Variants in DHRS12 observed in about 807,000 individuals in gnomAD.
The protein encoded by DHRS12 is dehydrogenase/reductase SDR family member 12.
DHRS12 carries 29 observed loss-of-function variants against 32.1 expected under a neutral mutation model. The ratio of observed to expected loss-of-function variants is 0.90; its 90% CI spans 0.67 to 1.23. The LOEUF (loss-of-function observed/expected upper bound fraction) is 1.23, where lower values mean the gene tolerates loss of function less well. DHRS12 is among the 50% of genes most tolerant of loss of function. The probability of loss-of-function intolerance (pLI) is 0.00; values close to 1 mark genes in which losing one functional copy is unlikely to be tolerated. For synonymous variants in DHRS12, 150 were observed against 135.9 expected, an observed-to-expected ratio of 1.10 and a Z score of -0.72; for missense variants, 330 against 337.2, an observed-to-expected ratio of 0.98 and a Z score of 0.17.
chr13:51,756,196 T>C, the DHRS12 span: 21 of 1,287,962 alleles, frequency 1.6e-5, no homozygotes. Context: ...GTGTTCCCTT[T>C]AGTTCTGGGG....
the DHRS12 span, chr13:51,760,396 T>C: frequency 6.6e-6 from 1 of 152,178 alleles, no homozygotes; most frequent in Admixed American, 6.5e-5. Context: ...TCATTCACGT[T>C]CTTATGAAGT....
chr13:51,764,240 C>G (rs1953677418), downstream of DHRS12: 1 of 152,188 alleles, frequency 6.6e-6, no homozygotes, highest in South Asian at 2.1e-4. Context: ...GAGGCCCATT[C>G]TCAGGCTGGG....
At chr13:51,765,044 G>A (rs1001470320), downstream of DHRS12, 3 of 152,240 alleles carry the variant, frequency 2.0e-5, no homozygotes, top group Admixed American at 2.0e-4. Flanking sequence ...AATGTGGGAG[G>A]TCCTCCTTAC....
At chr13:51,787,139 C>T (rs532298810) in intron 4 of DHRS12, among the ~76,000 whole-genome samples, 4 of 152,262 alleles carry the variant, frequency 2.6e-5, no homozygotes, top group African/African-American at 7.2e-5. Context: ...AGAATTATTA[C>T]GCTTCTCAGA....
chr13:51,761,986 GCT>G, the DHRS12 span: 1 of 152,224 alleles, frequency 6.6e-6, no homozygotes, highest in East Asian at 1.9e-4. Flanking sequence ...CTGCATGATT[GCT>G]CTTTGAGAGA....
At chr13:51,794,114 G>A (rs2139340967) in intron 2 of DHRS12, among the ~76,000 whole-genome samples, 2 of 152,324 alleles carry the variant, frequency 1.3e-5, no homozygotes, top group Middle Eastern at 3.4e-3. Flanking sequence ...GCCAGGAGAA[G>A]GAACTGGAAA....
At chr13:51,768,367 C>T (rs1377897302) in intron 8 of DHRS12, 71 bp from the exon 9 acceptor site, 1 of 1,529,916 alleles carries the variant, frequency 6.5e-7, no homozygotes, top group African/African-American at 1.4e-5. Flanking sequence ...CCCTGTGCTG[C>T]TCAGGCCTTG....
chr13:51,803,235 G>C (rs1955839773), intron 1 of DHRS12, among the ~76,000 whole-genome samples: 1 of 152,188 alleles, frequency 6.6e-6, no homozygotes, highest in Admixed American at 6.6e-5. Context: ...CCCAGTGCAG[G>C]GAGAAGCCTC....
the DHRS12 span, chr13:51,761,594 TCCTC>T: frequency 1.3e-5 from 2 of 152,112 alleles, no homozygotes; most frequent in Non-Finnish European, 2.9e-5. Context: ...GAAATTGAAA[TCCTC>T]CCTATTATTT....
At chr13:51,771,991 G>T (rs1462123041) in intron 6 of DHRS12, 80 bp from the exon 7 acceptor site, 2 of 1,384,884 alleles carry the variant, frequency 1.4e-6, no homozygotes, top group East Asian at 4.6e-5. Context: ...GCCCTGCCCA[G>T]CCTGGCTTAT....
the DHRS12 span, chr13:51,756,585 C>T: frequency 1.3e-5 from 18 of 1,401,622 alleles, no homozygotes; most frequent in Admixed American, 8.9e-5. Context: ...ATATAGTCCA[C>T]GGCAAGCAGT....
At chr13:51,799,033 A>C (rs1309005410) in intron 2 of DHRS12, among the ~76,000 whole-genome samples, 1 of 152,192 alleles carries the variant, frequency 6.6e-6, no homozygotes. Flanking sequence ...GACCCCAGCA[A>C]GGAGGAAGTT....
intron 4 of DHRS12, among the ~76,000 whole-genome samples, chr13:51,784,986 G>C (rs867205410): frequency 2.0e-5 from 3 of 152,330 alleles, no homozygotes; most frequent in South Asian, 2.1e-4. Flanking sequence ...CCAGCAATTT[G>C]GGGGGCCAAG....
chr13:51,800,009 G>C (rs1313913009), intron 1 of DHRS12, among the ~76,000 whole-genome samples: 1 of 152,192 alleles, frequency 6.6e-6, no homozygotes, highest in African/African-American at 2.4e-5. Flanking sequence ...GTGGGGGGCA[G>C]GTTTCAGGAA....
rs1423062516 is a variant in DHRS12 at position 51,776,942 on chromosome 13, GC to G, written c.363+117del. The G allele has an allele frequency of 1.5e-5, 17 of 1,118,406 alleles. No homozygotes were observed. In the Admixed American group the frequency reaches 3.2e-4, roughly 21 times the overall value. The allele number at this position is 1,118,406 out of a possible 1,614,324, so 69.3% of individuals were successfully genotyped here. A position where few individuals can be genotyped will look rare whatever the true frequency, so the allele number is the denominator to read the frequency against. ...GGCCCCCTGACAGAATTGAGGTTTT[GC>G]TGTGGATGTGGACAGAATGGCCCCC... On this transcript the variant is annotated intron_variant, in intron 5 of 8. Coordinates refer to ENST00000444610, the MANE Select transcript of DHRS12 (RefSeq NM_001377533.1).
At chr13:51,760,589 G>C in the DHRS12 span, 1 of 152,132 alleles carries the variant, frequency 6.6e-6, no homozygotes, top group Middle Eastern at 3.2e-3. Flanking sequence ...TCTTGTTTTA[G>C]CTTTTTTGAC....
At position 51,782,573 on chromosome 13, in the gene DHRS12, T is replaced by C. The variant is rs1954765325; in HGVS notation, c.302-5452A>G. Among the ~76,000 whole-genome samples the C allele has an allele frequency of 6.6e-6, 1 of 151,734 alleles. No individual in the cohort carries two copies. Among genetic ancestry groups the C allele is most frequent in the Admixed American group, 6.5e-5 (1 of 15,270 alleles). On this transcript the variant is annotated intron_variant, in intron 4 of 8. Coordinates refer to ENST00000444610, the MANE Select transcript of DHRS12 (RefSeq NM_001377533.1). The surrounding 1 kb of genome is among the most constrained non-coding windows in gnomAD (Gnocchi z 4.2). ...GGTCAGGGAGATAAGCCGACTGGAG[T>C]GAGCTGCAGGATGCCCGGGACTCGG...
At chr13:51,804,023 C>T (rs1566315962) in intron 1 of DHRS12, 31 bp downstream of exon 1, 3 of 1,461,486 alleles carry the variant, frequency 2.1e-6, no homozygotes, top group Non-Finnish European at 9.0e-7. Flanking sequence ...CGTGACAGCC[C>T]GGGGCCCCGC....
intron 2 of DHRS12, among the ~76,000 whole-genome samples, chr13:51,792,047 C>T (rs1379170370): frequency 4.6e-5 from 7 of 152,200 alleles, no homozygotes; most frequent in Admixed American, 4.6e-4. Context: ...GTGAATAATG[C>T]TGCAATGGAC....
Sources: gnomAD v4.1 joint callset for allele counts (sites outside exome capture counted in the v4.1 genomes callset) on GRCh38, gnomAD v4.1.1 for gene constraint, Gnocchi (gnomAD v3.1) non-coding constraint, MANE v1.5 for transcripts, NCBI Gene and HGNC (gene_info 2026-07-23, HGNC 2026-07-21) for gene names.